Variants in CLCN4 observed in about 807,000 individuals in gnomAD.
The protein encoded by CLCN4 is Cl-/H+ antiporter 4.
CLCN4 carries 1 observed loss-of-function variant against 41.7 expected under a neutral mutation model. That is an observed-to-expected ratio of 0.02 (90% CI 0.01 to 0.11). CLCN4 has a LOEUF of 0.11. CLCN4 is among the 10% of genes least tolerant of loss of function. CLCN4 has a pLI of 1.00. For missense variants in CLCN4, 287 were observed against 661.0 expected (o/e 0.43, Z 6.20); for synonymous variants, 277 against 285.8 (o/e 0.97, Z 0.31).
chrX:10,201,088 A>C (rs768940961), intron 6 of CLCN4, among the ~76,000 whole-genome samples: 1 of 112,232 alleles, frequency 8.9e-6, no homozygotes, highest in Non-Finnish European at 1.9e-5. Flanking sequence ...TTACAAGGAG[A>C]AAGTATGATT....
intron 2 of CLCN4, among the ~76,000 whole-genome samples, chrX:10,180,493 C>T (rs1392879707): frequency 4.5e-5 from 5 of 111,383 alleles, no homozygotes; most frequent in Admixed American, 9.5e-5. Context: ...CCTGGCCGGG[C>T]GCAGTGGCTC....
intron 6 of CLCN4, among the ~76,000 whole-genome samples, chrX:10,202,394 A>T (rs1413677089): frequency 9.1e-6 from 1 of 110,244 alleles, no homozygotes; most frequent in Non-Finnish European, 1.9e-5. Context: ...AATCGCTTGA[A>T]CCTGGGAGAT....
intron 12 of CLCN4, among the ~76,000 whole-genome samples, chrX:10,223,275 A>G (rs981155809): frequency 8.9e-6 from 1 of 111,828 alleles, no homozygotes; most frequent in African/African-American, 3.3e-5. Context: ...CTTTAAAACA[A>G]TAATCCAAAG....
chrX:10,205,389 C>T (rs1924353384), intron 6 of CLCN4, among the ~76,000 whole-genome samples: 2 of 102,952 alleles, frequency 1.9e-5, no homozygotes, highest in Admixed American at 2.2e-4. Context: ...AGGAGAATGG[C>T]GTGAACCCAG....
intron 9 of CLCN4, among the ~76,000 whole-genome samples, chrX:10,210,542 A>G (rs1277250372): frequency 9.1e-6 from 1 of 109,789 alleles, no homozygotes; most frequent in Non-Finnish European, 1.9e-5. Flanking sequence ...CAAGCTCCCT[A>G]TGTTTCCCAG....
At chrX:10,162,912 G>A (rs768103974) in intron 2 of CLCN4, among the ~76,000 whole-genome samples, 20 of 113,213 alleles carry the variant, frequency 1.8e-4, no homozygotes, top group East Asian at 2.7e-4. Flanking sequence ...AGCAGATAGA[G>A]CCAAATGTGA....
chrX:10,232,650 G>A (rs182824345), intron 12 of CLCN4, among the ~76,000 whole-genome samples: 19 of 111,882 alleles, frequency 1.7e-4, no homozygotes, highest in African/African-American at 6.2e-4. Context: ...TGTTCCTGCA[G>A]GTGGTCATTT....
At chrX:10,201,201 C>T (rs762018373) in intron 6 of CLCN4, among the ~76,000 whole-genome samples, 27 of 111,671 alleles carry the variant, frequency 2.4e-4, no homozygotes, top group African/African-American at 4.9e-4. Flanking sequence ...GAGGAAGGTT[C>T]GACTGGGGAG....
Position 10,179,721 on chromosome X carries a change from A to G in CLCN4, c.-11-5301A>G, listed in dbSNP as rs184733106. On this transcript the variant is annotated intron_variant, in intron 2 of 12. Transcript: ENST00000380833. ...GATAAGGAAGGGGTGTTTTCATGAA[A>G]CATGATTTTCATTTTAACAAACATT... 4.5e-5 allele frequency among the ~76,000 whole-genome samples: 5 copies of G among 111,971 alleles called. 1 individual carries two copies. In the East Asian group the frequency reaches 1.4e-3, roughly 31 times the overall value.
chrX:10,207,483 G>A (rs1041179934), intron 8 of CLCN4, among the ~76,000 whole-genome samples: 10 of 112,357 alleles, frequency 8.9e-5, no homozygotes, highest in Non-Finnish European at 1.7e-4. Flanking sequence ...TGAACAATAC[G>A]TACACAAATG....
At chrX:10,221,938 C>T (rs1014940048) in intron 12 of CLCN4, among the ~76,000 whole-genome samples, 7 of 112,072 alleles carry the variant, frequency 6.2e-5, no homozygotes, top group African/African-American at 2.3e-4. Context: ...TTGTGTATGC[C>T]GATCCCACTG....
intron 4 of CLCN4, 48 bp from the exon 5 acceptor site, chrX:10,194,863 T>C: frequency 8.5e-7 from 1 of 1,169,590 alleles, no homozygotes; most frequent in Non-Finnish European, 1.2e-6. Context: ...CTCATTCTTG[T>C]CGCATCATGG....
chrX:10,221,920 T>C (rs1376627126), intron 12 of CLCN4, among the ~76,000 whole-genome samples: 2 of 111,922 alleles, frequency 1.8e-5, no homozygotes, highest in Non-Finnish European at 3.8e-5. Context: ...GGGCCGGGCA[T>C]GTGCATTTTG....
chrX:10,209,521 T>A (rs1011307913), intron 9 of CLCN4, among the ~76,000 whole-genome samples: 20 of 108,307 alleles, frequency 1.8e-4, no homozygotes, highest in Admixed American at 6.0e-4. Context: ...CCACCACACT[T>A]GGTGATTTAA....
intron 9 of CLCN4, among the ~76,000 whole-genome samples, chrX:10,211,742 C>T (rs1284956476): frequency 8.9e-6 from 1 of 112,034 alleles, no homozygotes; most frequent in South Asian, 3.7e-4. Flanking sequence ...TTCTATAGTA[C>T]ATGTGTGGTC....
chrX:10,212,246 T>C, intron 9 of CLCN4, among the ~76,000 whole-genome samples: 1 of 111,951 alleles, frequency 8.9e-6, no homozygotes, highest in East Asian at 2.8e-4. Context: ...GGAATCAAAG[T>C]ATAAAATTGC....
At chrX:10,194,069 T>A (rs1232817798) in intron 4 of CLCN4, among the ~76,000 whole-genome samples, 1 of 106,404 alleles carries the variant, frequency 9.4e-6, no homozygotes, top group African/African-American at 3.5e-5. Context: ...AGGAAGGAGA[T>A]GTAGAGCTGA....
At chrX:10,182,937 T>C (rs5979272) in intron 2 of CLCN4, among the ~76,000 whole-genome samples, 37,916 of 111,151 alleles carry the variant, frequency 0.34, 5,059 homozygotes, top group African/African-American at 0.48. Flanking sequence ...ACTAGAGATG[T>C]AGTTAAATTT....
intron 6 of CLCN4, among the ~76,000 whole-genome samples, chrX:10,204,131 T>C (rs2147177036): frequency 8.9e-6 from 1 of 112,187 alleles, no homozygotes; most frequent in Admixed American, 9.5e-5. Context: ...AATACCATTT[T>C]GGCAGGGGAG....
Sources: allele counts gnomAD v4.1 joint callset (sites outside exome capture counted in the v4.1 genomes callset), GRCh38; gene constraint gnomAD v4.1.1; transcripts MANE v1.5; gene names NCBI Gene and HGNC (gene_info 2026-07-23, HGNC 2026-07-21).